WSCD2: variants seen among roughly 807,000 people sequenced by gnomAD.
WSCD2 encodes sialate:O-sulfotransferase 2.
WSCD2 carries 28 observed loss-of-function variants against 55.7 expected under a neutral mutation model. The ratio of observed to expected loss-of-function variants is 0.50; its 90% CI spans 0.37 to 0.69. WSCD2 has a LOEUF of 0.69. Ranked by LOEUF, WSCD2 falls within the 30% of genes least tolerant of loss-of-function variation. The probability of loss-of-function intolerance (pLI) is 0.00; values close to 1 mark genes in which losing one functional copy is unlikely to be tolerated. For missense variants in WSCD2, 616 were observed against 762.1 expected (o/e 0.81, Z 2.26); for synonymous variants, 301 against 301.9 (o/e 1.00, Z 0.03).
chr12:108,198,201 C>T (rs546731598), intron 2 of WSCD2, among the ~76,000 whole-genome samples: 19 of 152,162 alleles, frequency 1.2e-4, no homozygotes, highest in Admixed American at 1.2e-3. Context: ...AGGGCTATTA[C>T]CTGTCCTGCC....
At chr12:108,212,055 T>C (rs1022409699) in intron 4 of WSCD2, among the ~76,000 whole-genome samples, 2 of 152,140 alleles carry the variant, frequency 1.3e-5, no homozygotes, top group African/African-American at 4.8e-5. Flanking sequence ...TTTTTCCAAA[T>C]TAACTGCAAC....
intron 1 of WSCD2, among the ~76,000 whole-genome samples, chr12:108,166,623 T>C (rs777536336): frequency 2.2e-4 from 34 of 151,908 alleles, no homozygotes; most frequent in Admixed American, 6.6e-5. Flanking sequence ...CTTACGGAGG[T>C]GATGATGTGT....
rs369993024 is a variant in WSCD2 at position 108,227,184 on chromosome 12, A to G, written c.979+20A>G. ...TCCAAGGTGAGCTAGGCCCTTCCCC[A>G]GTGGACCCCAGATGCACTCCCAGTG... On this transcript the variant is annotated intron_variant, in intron 6 of 8. Coordinates refer to ENST00000547525, the MANE Select transcript of WSCD2 (RefSeq NM_014653.4). 4 of 1,603,762 alleles carry G rather than the reference A, an allele frequency of 2.5e-6. No homozygotes were observed. The highest frequency in any genetic ancestry group is 3.4e-6 in the Non-Finnish European group (4 of 1,174,772).
intron 6 of WSCD2, among the ~76,000 whole-genome samples, chr12:108,229,199 T>A (rs1888473688): frequency 6.6e-6 from 1 of 152,180 alleles, no homozygotes; most frequent in African/African-American, 2.4e-5. Flanking sequence ...AGGACTGACA[T>A]TTATTGAGCA....
chr12:108,211,634 T>TATATATATATATATAC (rs1886172404), intron 4 of WSCD2, among the ~76,000 whole-genome samples: 1 of 141,848 alleles, frequency 7.0e-6, no homozygotes, highest in Admixed American at 7.0e-5. Flanking sequence ...AAATCCCATA[T>TATATATATATATATAC]ATATATATAT....
chr12:108,170,465 TGAG>T (rs149656629), intron 1 of WSCD2, among the ~76,000 whole-genome samples: 25 of 152,236 alleles, frequency 1.6e-4, no homozygotes, highest in Non-Finnish European at 2.5e-4. Context: ...ATGATGATGA[TGAG>T]AACAAAAATC....
chr12:108,134,593 T>G (rs1240945243), intron 1 of WSCD2, among the ~76,000 whole-genome samples: 1 of 152,260 alleles, frequency 6.6e-6, no homozygotes, highest in East Asian at 1.9e-4. Context: ...TCTGGTTGTT[T>G]GTTACACACC....
At chr12:108,226,298 G>C (rs1888079242) in intron 5 of WSCD2, among the ~76,000 whole-genome samples, 1 of 152,052 alleles carries the variant, frequency 6.6e-6, no homozygotes, top group Non-Finnish European at 1.5e-5. Context: ...CCCCCACTTA[G>C]CTGTTCAATA....
At chr12:108,204,661 G>A (rs1228108241) in intron 2 of WSCD2, among the ~76,000 whole-genome samples, 1 of 152,216 alleles carries the variant, frequency 6.6e-6, no homozygotes, top group African/African-American at 2.4e-5. Flanking sequence ...GCCTGCTCCA[G>A]GGAGATGATG....
In WSCD2 at chr12:108,240,511, G is replaced by T. The variant is rs867001543; in HGVS notation, c.1312G>T (p.Gly438Cys). The T allele has an allele frequency of 6.2e-7, 1 of 1,612,688 alleles. No individual in the cohort carries two copies. The highest frequency in any genetic ancestry group is 8.5e-7 in the Non-Finnish European group (1 of 1,179,986). Reference sequence around the variant, plus strand: ...CAACCGCAAGTACGGCGGCCACATAGGCTTTGCTGCGCATGCCCACTGGAA... The same window carrying T: ...CAACCGCAAGTACGGCGGCCACATATGCTTTGCTGCGCATGCCCACTGGAA... ...EFNRKYGGHI[G>C]FAAHAHWKGK... The change falls in exon 8 of 9, where the codon GGC becomes TGC. Residue 438 changes from glycine to cysteine, a missense_variant. Gly to Cys is a radical substitution (Grantham distance 159, BLOSUM62 -3). Coordinates refer to ENST00000547525, the MANE Select transcript of WSCD2 (RefSeq NM_014653.4).
At chr12:108,213,630 C>T (rs1886488175) in intron 4 of WSCD2, among the ~76,000 whole-genome samples, 1 of 152,050 alleles carries the variant, frequency 6.6e-6, no homozygotes, top group South Asian at 2.1e-4. Flanking sequence ...GAGGAGGATA[C>T]CCAGACTCAA....
At chr12:108,132,274 G>C (rs1875637910) in intron 1 of WSCD2, among the ~76,000 whole-genome samples, 1 of 152,178 alleles carries the variant, frequency 6.6e-6, no homozygotes, top group African/African-American at 2.4e-5. Context: ...TGCTTGCTTG[G>C]ACTTGACTTT....
chr12:108,141,622 C>A (rs1204058703), intron 1 of WSCD2, among the ~76,000 whole-genome samples: 1 of 152,230 alleles, frequency 6.6e-6, no homozygotes, highest in African/African-American at 2.4e-5. Flanking sequence ...TCCATCAGGA[C>A]CCTGGTAATG....
At chr12:108,220,485 TCACATAC>T (rs977287504) in intron 4 of WSCD2, among the ~76,000 whole-genome samples, 1 of 152,168 alleles carries the variant, frequency 6.6e-6, no homozygotes, top group African/African-American at 2.4e-5. Flanking sequence ...CTACTTCCCA[TCACATAC>T]CACACAACCA....
rs757671332 is a variant in WSCD2, at chr12:108,227,047, C to T, written c.862C>T (p.Arg288Ter). 9 of 1,614,112 alleles carry T rather than the reference C, an allele frequency of 5.6e-6. No homozygotes were observed. Among genetic ancestry groups the T allele is most frequent in the South Asian group, 4.4e-5 (4 of 91,092 alleles). ...CTGCCACTGTGGGTTTCCCACCACC[C>T]GATTCCCGCTCCATGACAGAGAGGA... is the stretch of plus-strand genomic sequence containing the variant. ...TACHCGFPTT[R>*]FPLHDREDEQ... is the part of the protein sequence containing the mutation. The change falls in exon 6 of 9, where the codon CGA becomes TGA. Residue 288 changes from arginine to a stop codon, truncating the protein, a stop_gained. Transcript: ENST00000547525. LOFTEE classifies it high-confidence loss of function.
chr12:108,143,704 T>C (rs1446846437), intron 1 of WSCD2, among the ~76,000 whole-genome samples: 1 of 152,126 alleles, frequency 6.6e-6, no homozygotes, highest in Non-Finnish European at 1.5e-5. Context: ...TCCAGGGCGA[T>C]GGGAGGCACT....
At chr12:108,139,287 G>T (rs143671634) in intron 1 of WSCD2, among the ~76,000 whole-genome samples, 2 of 152,228 alleles carry the variant, frequency 1.3e-5, no homozygotes, top group African/African-American at 4.8e-5. Flanking sequence ...TCAAACAAGA[G>T]AGAATTTATG....
At chr12:108,131,059 A>G (rs1875454978) in intron 1 of WSCD2, among the ~76,000 whole-genome samples, 1 of 152,092 alleles carries the variant, frequency 6.6e-6, no homozygotes, top group Non-Finnish European at 1.5e-5. Flanking sequence ...TTTTTAAGAC[A>G]GTTCTTGGGG....
At chr12:108,245,491 TG>T (rs1428160049) in intron 8 of WSCD2, among the ~76,000 whole-genome samples, 2 of 152,210 alleles carry the variant, frequency 1.3e-5, no homozygotes, top group African/African-American at 4.8e-5. Flanking sequence ...CATCTAAGAC[TG>T]GGATACCTGG....
Sources: gnomAD v4.1 joint callset for allele counts (sites outside exome capture counted in the v4.1 genomes callset) on GRCh38, gnomAD v4.1.1 for gene constraint, MANE v1.5 for transcripts, NCBI Gene and HGNC (gene_info 2026-07-23, HGNC 2026-07-21) for gene names.